The following VPS8 variants were observed in gnomAD, a reference collection of about 807,000 sequenced individuals.
The protein encoded by VPS8 is vacuolar protein sorting-associated protein 8 homolog.
In VPS8, 129 loss-of-function variants were observed where a neutral mutation model predicts 216.4. The ratio of observed to expected loss-of-function variants is 0.60; its 90% confidence interval spans 0.52 to 0.69. VPS8 has a LOEUF of 0.69. Ranked by LOEUF, VPS8 falls within the 30% of genes least tolerant of loss-of-function variation. The probability of loss-of-function intolerance (pLI) is 0.00; values close to 1 mark genes in which losing one functional copy is unlikely to be tolerated. For synonymous variants in VPS8, 571 were observed against 565.4 expected, an observed-to-expected ratio of 1.01 and a Z score of -0.14; for missense variants, 1,531 against 1,683.5, an observed-to-expected ratio of 0.91 and a Z score of 1.59.
In VPS8 at chr3:184,929,605, G is replaced by A. The variant is rs1323446743; in HGVS notation, c.2740G>A (p.Glu914Lys). The change falls in exon 33 of 48, where the codon GAA becomes AAA. Residue 914 changes from glutamate (E) to lysine (K), a missense_variant. Transcript: ENST00000625842. Reference sequence around the variant, plus strand: ...CTATCAAATTTGTGAATTTATGTATGAAAGAGAACACCAATATGATAAAAT... The same window carrying A: ...CTATCAAATTTGTGAATTTATGTATAAAAGAGAACACCAATATGATAAAAT... Reference protein sequence around the residue: ...EFYQICEFMYEREHQYDKIID... With the variant: ...EFYQICEFMYKREHQYDKIID... 2 of 1,535,254 alleles carry A rather than the reference G, an allele frequency of 1.3e-6. No individual in the cohort carries two copies. Among genetic ancestry groups the A allele is most frequent in the Admixed American group, 2.1e-5 (1 of 48,344 alleles).
intron 5 of VPS8, among the ~76,000 whole-genome samples, chr3:184,838,498 A>G (rs1721528651): frequency 6.6e-6 from 1 of 152,138 alleles, no homozygotes; most frequent in Non-Finnish European, 1.5e-5. Flanking sequence ...AAAGGCACTT[A>G]TATACTTAGT....
chr3:185,013,776 T>C (rs894617481), intron 45 of VPS8, among the ~76,000 whole-genome samples: 1 of 152,242 alleles, frequency 6.6e-6, no homozygotes, highest in African/African-American at 2.4e-5. Flanking sequence ...ATTTCTACCA[T>C]CTGACCATTT....
chr3:184,852,314 G>T (rs1159095608), intron 10 of VPS8, among the ~76,000 whole-genome samples, 186 bp from the exon 11 acceptor site: 1 of 152,036 alleles, frequency 6.6e-6, no homozygotes, highest in African/African-American at 2.4e-5. Flanking sequence ...TAAAGATATT[G>T]GACCATTATT....
At chr3:184,964,114 TTTCA>T (rs1282030280) in intron 37 of VPS8, among the ~76,000 whole-genome samples, 3 of 152,240 alleles carry the variant, frequency 2.0e-5, no homozygotes, top group South Asian at 2.1e-4. Context: ...TTTGTAATGT[TTTCA>T]TTGTCATTTT....
At chr3:184,890,125 A>G (rs1053693889) in intron 22 of VPS8, among the ~76,000 whole-genome samples, 2 of 152,200 alleles carry the variant, frequency 1.3e-5, no homozygotes, top group African/African-American at 4.8e-5. Context: ...TCATCCCAGC[A>G]TAGTATTTTT....
At chr3:184,942,708 A>G (rs916422135) in intron 36 of VPS8, among the ~76,000 whole-genome samples, 2 of 152,182 alleles carry the variant, frequency 1.3e-5, no homozygotes, top group South Asian at 2.1e-4. Flanking sequence ...TATGTCTTCC[A>G]TAGGAGGCAG....
At chr3:185,026,244 T>C (rs960885545) in intron 46 of VPS8, among the ~76,000 whole-genome samples, 2 of 152,102 alleles carry the variant, frequency 1.3e-5, no homozygotes, top group Non-Finnish European at 2.9e-5. Context: ...TTACATTGTA[T>C]TGGGTATTAT....
At position 184,848,545 on chromosome 3, in the gene VPS8, CT is replaced by C. The variant is rs1011191262; in HGVS notation, c.542-516del. Among the ~76,000 whole-genome samples, 76 of 111,298 alleles carry C rather than the reference CT, an allele frequency of 6.8e-4. 1 individual carries two copies. The highest frequency in any genetic ancestry group is 4.7e-3 in the Middle Eastern group (1 of 212). The allele number at this position is 111,298 out of a possible 152,430, so 73.0% of individuals were successfully genotyped here. On this transcript the variant is annotated intron_variant, in intron 8 of 47. Coordinates refer to ENST00000625842, the MANE Select transcript of VPS8 (RefSeq NM_001009921.3). ...TTTTTTATTATGCTTCCTTGTAGAT[CT>C]TTTTTTTTTCCTGTATTCTTTTTTT... is the stretch of plus-strand genomic sequence containing the variant.
At position 184,876,860 on chromosome 3, in the gene VPS8, T is replaced by A. The variant is rs1330718356; in HGVS notation, c.1734+6055T>A. ...CTCTTTGTACACATTCTTACTGTACTTCATTTCATTTTCTACACAGCAGCC... is the reference window on the plus strand; with the variant it reads ...CTCTTTGTACACATTCTTACTGTACATCATTTCATTTTCTACACAGCAGCC... On this transcript the variant is annotated intron_variant, in intron 21 of 47. Coordinates refer to ENST00000625842, the MANE Select transcript of VPS8 (RefSeq NM_001009921.3). Among the ~76,000 whole-genome samples, 3 of 152,220 alleles carry A rather than the reference T, an allele frequency of 2.0e-5. No homozygotes were observed. The South Asian group carries it at 6.2e-4, about 32-fold the overall frequency.
chr3:184,982,384 T>G, intron 40 of VPS8, 182 bp from the exon 41 acceptor site: 1 of 552,054 alleles, frequency 1.8e-6, no homozygotes, highest in Admixed American at 3.9e-5. Flanking sequence ...CTGCTTTGTA[T>G]TGTCTTTTTT....
At chr3:184,939,305 TAAAAA>T (rs1742221024) in intron 35 of VPS8, among the ~76,000 whole-genome samples, 1 of 151,938 alleles carries the variant, frequency 6.6e-6, no homozygotes, top group Non-Finnish European at 1.5e-5. Context: ...ATCAGACTGA[TAAAAA>T]TAAATATATT....
chr3:184,908,824 G>A (rs1735959495), intron 25 of VPS8, among the ~76,000 whole-genome samples: 1 of 152,252 alleles, frequency 6.6e-6, no homozygotes, highest in Non-Finnish European at 1.5e-5. Context: ...CCGAAGGCGG[G>A]CAAGTCCCCT....
chr3:184,974,702 A>C (rs1748978540), intron 40 of VPS8, among the ~76,000 whole-genome samples: 1 of 152,134 alleles, frequency 6.6e-6, no homozygotes, highest in African/African-American at 2.4e-5. Flanking sequence ...CTTTACATTT[A>C]AGTCTTTAAT....
intron 42 of VPS8, among the ~76,000 whole-genome samples, chr3:184,990,929 T>A (rs887166133): frequency 6.6e-6 from 1 of 151,724 alleles, no homozygotes; most frequent in Non-Finnish European, 1.5e-5. Flanking sequence ...TACACCGTTT[T>A]TTTTTTTTTC....
At chr3:184,993,355 T>A (rs1200678947) in intron 42 of VPS8, among the ~76,000 whole-genome samples, 1 of 151,668 alleles carries the variant, frequency 6.6e-6, no homozygotes, top group Non-Finnish European at 1.5e-5. Context: ...TTGTTTTTTG[T>A]TTTTTGGGTT....
chr3:184,907,782 T>C (rs1162281589), intron 25 of VPS8, among the ~76,000 whole-genome samples: 1 of 152,252 alleles, frequency 6.6e-6, no homozygotes, highest in Non-Finnish European at 1.5e-5. Flanking sequence ...TCTCTCACTT[T>C]AATCCTATCA....
At chr3:184,906,213 C>G (rs1035942221) in intron 25 of VPS8, among the ~76,000 whole-genome samples, 1 of 152,086 alleles carries the variant, frequency 6.6e-6, no homozygotes, top group African/African-American at 2.4e-5. Flanking sequence ...TGTCTAATTT[C>G]CACCTATGTG....
chr3:184,908,450 G>T (rs1462679544), intron 25 of VPS8, among the ~76,000 whole-genome samples: 2 of 152,248 alleles, frequency 1.3e-5, no homozygotes, highest in African/African-American at 4.8e-5. Flanking sequence ...TGAGGCCCGC[G>T]GTCTTGAGGG....
At chr3:184,918,980 C>T (rs954478351) in intron 28 of VPS8, 2 of 152,078 alleles carry the variant, frequency 1.3e-5, no homozygotes, top group Admixed American at 6.5e-5. Flanking sequence ...CTTGGTAACT[C>T]GTTTCAGCAT....
Sources: gnomAD v4.1 joint callset for allele counts (sites outside exome capture counted in the v4.1 genomes callset) on GRCh38, gnomAD v4.1.1 for gene constraint, MANE v1.5 for transcripts, NCBI Gene and HGNC (gene_info 2026-07-23, HGNC 2026-07-21) for gene names.